The following KLHL10 variants were observed in gnomAD, a reference collection of about 807,000 sequenced individuals.
KLHL10 encodes the protein kelch like family member 10, also known as kelch-like protein 10.
Under a neutral mutation model 46.6 loss-of-function variants are expected in KLHL10, and 11 were observed. That is an observed-to-expected ratio of 0.24 (90% confidence interval 0.15 to 0.39). The LOEUF (loss-of-function observed/expected upper bound fraction) is 0.39. Among genes scored for constraint, KLHL10 ranks in the 10% least tolerant of loss-of-function variants. KLHL10 has a pLI of 1.00. For missense variants in KLHL10, 475 were observed against 789.8 expected, an observed-to-expected ratio of 0.60 and a Z score of 4.78; for synonymous variants, 254 against 279.1, an observed-to-expected ratio of 0.91 and a Z score of 0.90.
intron 1 of KLHL10, among the ~76,000 whole-genome samples, 160 bp downstream of exon 1, chr17:41,838,286 A>G (rs1193573817): frequency 6.6e-6 from 1 of 151,986 alleles, no homozygotes; most frequent in African/African-American, 2.4e-5. Context: ...TTTAGAGATA[A>G]GCTCTCATTC....
chr17:41,844,713 T>C (rs1389751525), intron 2 of KLHL10, among the ~76,000 whole-genome samples: 1 of 152,066 alleles, frequency 6.6e-6, no homozygotes, highest in Non-Finnish European at 1.5e-5. Flanking sequence ...CACACTCAGC[T>C]AATTTTTGTA....
In KLHL10 at chr17:41,841,831, T is replaced by A. The variant is rs1555620762; in HGVS notation, c.203T>A (p.Phe68Tyr). ...TTCTTTCTTTTTTCCAGAGCTTTGT[T>A]TACAAGTGGCTGGAACAACACTGAA... The part of the protein sequence containing the change: ...CSCSSYFRAL[F>Y]TSGWNNTEKK... Residue 68 changes from phenylalanine (F) to tyrosine (Y), a missense_variant, in exon 2 of 5, where the codon TTT becomes TAT. Phe to Tyr is a conservative substitution (Grantham distance 22). Coordinates refer to ENST00000293303, the MANE Select transcript of KLHL10 (RefSeq NM_152467.5). The A allele has an allele frequency of 6.2e-7, 1 of 1,614,142 alleles. No homozygotes were observed. Among genetic ancestry groups the A allele is most frequent in the East Asian group, 2.2e-5 (1 of 44,884 alleles).
chr17:41,837,484 C>T, upstream of KLHL10: 1 of 940,548 alleles, frequency 1.1e-6, no homozygotes, highest in Non-Finnish European at 1.3e-6. Context: ...TTACTTCTCC[C>T]TTCAGCCTCA....
At chr17:41,841,684 C>A in intron 1 of KLHL10, 139 bp from the exon 2 acceptor site, 1 of 961,032 alleles carries the variant, frequency 1.0e-6, no homozygotes, top group Non-Finnish European at 1.6e-6. Context: ...TGACCAAAGT[C>A]AGAGTTCTTG....
chr17:41,835,893 C>A, upstream of KLHL10: 1 of 1,609,070 alleles, frequency 6.2e-7, no homozygotes, highest in Non-Finnish European at 8.5e-7. Flanking sequence ...GCGGAGGGCG[C>A]CCACGATCTC....
intron 2 of KLHL10, among the ~76,000 whole-genome samples, chr17:41,844,886 A>G (rs2048267852): frequency 6.6e-6 from 1 of 151,748 alleles, no homozygotes; most frequent in South Asian, 2.1e-4. Context: ...GGGTCTTGCT[A>G]TGTTGCCAGG....
At chr17:41,836,826 G>A (rs1597929777), upstream of KLHL10, among the ~76,000 whole-genome samples, 2 of 151,456 alleles carry the variant, frequency 1.3e-5, no homozygotes, top group East Asian at 3.9e-4. Flanking sequence ...CCCTGTCTCA[G>A]AAACAAAAAC....
intron 1 of KLHL10, among the ~76,000 whole-genome samples, chr17:41,841,504 G>A (rs1481978282): frequency 7.2e-5 from 11 of 152,034 alleles, no homozygotes; most frequent in Non-Finnish European, 1.2e-4. Flanking sequence ...TAGTAGAGAC[G>A]GGGTTTCACC....
chr17:41,835,786 G>T, upstream of KLHL10: 1 of 1,389,000 alleles, frequency 7.2e-7, no homozygotes, highest in Non-Finnish European at 1.0e-6. Flanking sequence ...AGAGCAAAGC[G>T]GGAAGGCCCA....
At chr17:41,847,895 T>C (rs1469458314) in intron 4 of KLHL10, 38 bp from the exon 5 acceptor site, 1 of 1,612,818 alleles carries the variant, frequency 6.2e-7, no homozygotes, top group East Asian at 2.2e-5. Context: ...ACAGAATCAA[T>C]GGTTAGCAGT....
At chr17:41,835,832 G>A (rs929367121), upstream of KLHL10, 9 of 1,582,724 alleles carry the variant, frequency 5.7e-6, no homozygotes, top group Non-Finnish European at 6.9e-6. Context: ...CCCCAGCCCG[G>A]CCGGCCCCCG....
rs372217780 is a variant in KLHL10 at position 41,845,513 on chromosome 17, C to T, written c.1072C>T (p.Arg358Cys). ...DSVDYFNSVK[R>C]FDPVKKTWHQ... Reference sequence around the variant, plus strand: ...TGTAGACTATTTCAATAGTGTTAAGCGTTTTGACCCAGTCAAGAAAACTTG... The same window carrying T: ...TGTAGACTATTTCAATAGTGTTAAGTGTTTTGACCCAGTCAAGAAAACTTG... The change falls in exon 3 of 5, where the codon CGT becomes TGT. Residue 358 changes from arginine (R) to cysteine (C), a missense_variant. By Grantham distance (180) the Arg-to-Cys change is radical (BLOSUM62 -3). Transcript: ENST00000293303. 6 of 1,614,044 alleles carry T rather than the reference C, an allele frequency of 3.7e-6. No homozygotes were observed. The highest frequency in any genetic ancestry group is 1.7e-5 in the Admixed American group (1 of 59,994).
intron 1 of KLHL10, among the ~76,000 whole-genome samples, chr17:41,840,966 G>A (rs1409602683): frequency 6.6e-6 from 1 of 151,788 alleles, no homozygotes; most frequent in Non-Finnish European, 1.5e-5. Flanking sequence ...TGGTGAAATC[G>A]CATCTCTACT....
chr17:41,838,689 A>T (rs1597932319), intron 1 of KLHL10, among the ~76,000 whole-genome samples: 6 of 59,402 alleles, frequency 1.0e-4, no homozygotes, highest in African/African-American at 3.3e-4. Context: ...GAGAGATCTG[A>T]TTTTTGTCTT....
chr17:41,847,862 C>T, intron 4 of KLHL10, 71 bp from the exon 5 acceptor site: 1 of 1,594,110 alleles, frequency 6.3e-7, no homozygotes, highest in Non-Finnish European at 8.6e-7. Context: ...CACTGGTACC[C>T]CCAACAAGGG....
chr17:41,842,292 A>G lies in KLHL10; in HGVS notation c.664A>G (p.Ile222Val), dbSNP rs1388108813. The G allele has an allele frequency of 3.1e-6, 5 of 1,614,074 alleles. No homozygotes were observed. Among genetic ancestry groups the G allele is most frequent in the African/African-American group, 2.7e-5 (2 of 75,064 alleles). Residue 222 changes from isoleucine to valine, a missense_variant, in exon 2 of 5, where the codon ATT becomes GTT. Ile to Val is a conservative substitution (Grantham distance 29, BLOSUM62 3). Transcript: ENST00000293303. ...TGACCCCCAAAATAGAAAGCAGCAC[A>G]TTTCAATTTTGCTTCCTAAGGTCAG... is the stretch of plus-strand genomic sequence containing the variant. ...SHDPQNRKQH[I>V]SILLPKVRLA...
At position 41,841,867 on chromosome 17, in the gene KLHL10, A is replaced by G. The variant is rs1318623268; in HGVS notation, c.239A>G (p.Tyr80Cys). Residue 80 changes from tyrosine (Y) to cysteine (C), a missense_variant, in exon 2 of 5, where the codon TAC (tyrosine) becomes TGC (cysteine). By Grantham distance (194) the Tyr-to-Cys change is radical. Transcript: ENST00000293303. ...TGGAACAACACTGAAAAGAAGGTAT[A>G]CAACATCCCTGGCATTTCTCCCGAC... is the stretch of plus-strand genomic sequence containing the variant. ...SGWNNTEKKV[Y>C]NIPGISPDMM... is the part of the protein sequence containing the mutation. 1 of 1,614,048 alleles carries G rather than the reference A, an allele frequency of 6.2e-7. No individual in the cohort carries two copies. Among genetic ancestry groups the G allele is most frequent in the Non-Finnish European group, 8.5e-7 (1 of 1,180,044 alleles).
chr17:41,847,014 C>T (rs1001077043), intron 3 of KLHL10, among the ~76,000 whole-genome samples: 4 of 152,130 alleles, frequency 2.6e-5, no homozygotes, highest in African/African-American at 9.7e-5. Flanking sequence ...ACTCCAGATG[C>T]TGAGGCAGGA....
upstream of KLHL10, among the ~76,000 whole-genome samples, chr17:41,836,681 G>A (rs534586833): frequency 6.6e-6 from 1 of 152,090 alleles, no homozygotes; most frequent in African/African-American, 2.4e-5. Context: ...AAATTAGCCG[G>A]GCATGGTGAC....
Sources: gnomAD v4.1 joint callset for allele counts (sites outside exome capture counted in the v4.1 genomes callset) on GRCh38, gnomAD v4.1.1 for gene constraint, MANE v1.5 for transcripts, NCBI Gene and HGNC (gene_info 2026-07-23, HGNC 2026-07-21) for gene names.